DRC5: variants seen among roughly 807,000 people sequenced by gnomAD.
DRC5 encodes T-complex-associated testis-expressed protein 1.
At chr6:44,297,098 A>G in the DRC5 span, among the ~76,000 whole-genome samples, 3 of 152,218 alleles carry the variant, frequency 2.0e-5, no homozygotes, top group East Asian at 5.8e-4. Flanking sequence ...CAGCTCAGAC[A>G]CCCCAGCAGA....
chr6:44,284,976 G>C, the DRC5 span, among the ~76,000 whole-genome samples: 21 of 152,190 alleles, frequency 1.4e-4, no homozygotes, highest in African/African-American at 4.6e-4. Context: ...GAGCTCCTAA[G>C]GATAAAGATA....
At chr6:44,282,433 G>A in the DRC5 span, 87 of 1,613,582 alleles carry the variant, frequency 5.4e-5, no homozygotes, top group Admixed American at 2.0e-4. Flanking sequence ...GCAGCACCTC[G>A]TGCACCACGG....
At chr6:44,292,629 T>C in the DRC5 span, among the ~76,000 whole-genome samples, 6 of 151,640 alleles carry the variant, frequency 4.0e-5, no homozygotes, top group Non-Finnish European at 1.5e-5. Flanking sequence ...CCAAAAGGAG[T>C]GTCTATTGGT....
At chr6:44,289,548 C>T in the DRC5 span, among the ~76,000 whole-genome samples, 4 of 152,054 alleles carry the variant, frequency 2.6e-5, no homozygotes, top group East Asian at 3.9e-4. Context: ...GGGAACAAGA[C>T]CCATGCCCTG....
At chr6:44,288,526 T>C in the DRC5 span, among the ~76,000 whole-genome samples, 1 of 152,048 alleles carries the variant, frequency 6.6e-6, no homozygotes, top group Non-Finnish European at 1.5e-5. Flanking sequence ...ACAGATATAA[T>C]AAAGAGCCAT....
chr6:44,287,610 T>G, the DRC5 span: 1 of 1,614,138 alleles, frequency 6.2e-7, no homozygotes, highest in Non-Finnish European at 8.5e-7. Context: ...CGATGGCCAG[T>G]GACCACTCAG....
the DRC5 span, among the ~76,000 whole-genome samples, chr6:44,288,159 G>A: frequency 1.2e-4 from 18 of 152,140 alleles, no homozygotes; most frequent in Admixed American, 8.5e-4. Context: ...TGCATCCAAA[G>A]GGCATAATAT....
At chr6:44,286,632 G>A in the DRC5 span, 9 of 1,064,244 alleles carry the variant, frequency 8.5e-6, no homozygotes, top group African/African-American at 1.6e-5. Flanking sequence ...AGGCAAAGGA[G>A]AGACCCTTCC....
the DRC5 span, among the ~76,000 whole-genome samples, chr6:44,287,036 A>C: frequency 6.6e-6 from 1 of 152,212 alleles, no homozygotes; most frequent in Non-Finnish European, 1.5e-5. Context: ...TAAACAAGTA[A>C]AATGAGTGAG....
chr6:44,287,176 C>A, the DRC5 span: 6 of 985,042 alleles, frequency 6.1e-6, no homozygotes, highest in Non-Finnish European at 7.2e-6. Flanking sequence ...ATGGAACAAA[C>A]CAAGAGCCCT....
At chr6:44,287,440 AG>A in the DRC5 span, 1 of 1,181,750 alleles carries the variant, frequency 8.5e-7, no homozygotes. Context: ...ACGGGAGAGC[AG>A]GGGCTGCCCC....
At chr6:44,290,595 C>A in the DRC5 span, among the ~76,000 whole-genome samples, 1 of 152,232 alleles carries the variant, frequency 6.6e-6, no homozygotes, top group African/African-American at 2.4e-5. Context: ...ACGACAGAGG[C>A]AAAGGAGGAA....
the DRC5 span, among the ~76,000 whole-genome samples, chr6:44,285,039 G>A: frequency 2.6e-5 from 4 of 152,168 alleles, no homozygotes; most frequent in Admixed American, 2.0e-4. Context: ...CTCACACTCT[G>A]CGCCAGCCAC....
chr6:44,288,683 C>T, the DRC5 span, among the ~76,000 whole-genome samples: 1 of 152,040 alleles, frequency 6.6e-6, no homozygotes, highest in Non-Finnish European at 1.5e-5. Flanking sequence ...TTCTTTAGTG[C>T]CCACATTTTA....
chr6:44,287,246 A>G, the DRC5 span: 1 of 985,188 alleles, frequency 1.0e-6, no homozygotes, highest in South Asian at 4.7e-5. Context: ...GGCTTTCTGG[A>G]GGAGGAAGTA....
chr6:44,283,462 C>G, the DRC5 span, among the ~76,000 whole-genome samples: 2 of 152,138 alleles, frequency 1.3e-5, no homozygotes, highest in East Asian at 3.9e-4. Context: ...AACCTCTCCC[C>G]CTCACCTTCC....
At chr6:44,286,448 G>T in the DRC5 span, 1 of 1,614,238 alleles carries the variant, frequency 6.2e-7, no homozygotes, top group Non-Finnish European at 8.5e-7. Context: ...CAGGTTGGCG[G>T]TCACAGCCAG....
At chr6:44,287,893 G>C in the DRC5 span, 1 of 1,544,520 alleles carries the variant, frequency 6.5e-7, no homozygotes, top group Non-Finnish European at 8.7e-7. Context: ...TTCTCAGACT[G>C]GCAGGTCCTT....
chr6:44,295,998 C>A, the DRC5 span, among the ~76,000 whole-genome samples: 1 of 152,224 alleles, frequency 6.6e-6, no homozygotes, highest in Non-Finnish European at 1.5e-5. Context: ...TACCTTACTA[C>A]ATAATTTTAT....
Sources: gnomAD v4.1 joint callset for allele counts (sites outside exome capture counted in the v4.1 genomes callset) on GRCh38, gnomAD v4.1.1 for gene constraint, MANE v1.5 for transcripts, NCBI Gene and HGNC (gene_info 2026-07-23, HGNC 2026-07-21) for gene names.